The following LARGE1 variants were observed in gnomAD, a reference collection of about 807,000 sequenced individuals.
LARGE1 encodes the protein xylosyl- and glucuronyltransferase LARGE1.
In LARGE1, 43 loss-of-function variants were observed where a neutral mutation model predicts 87.6. The ratio of observed to expected loss-of-function variants is 0.49; its 90% CI spans 0.38 to 0.63. LARGE1 has a LOEUF of 0.63. Ranked by LOEUF, LARGE1 falls within the 30% of genes least tolerant of loss-of-function variation. LARGE1 has a pLI of 0.00. For synonymous variants in LARGE1, 434 were observed against 394.6 expected (o/e 1.10, Z -1.18); for missense variants, 802 against 1,000.2 (o/e 0.80, Z 2.67).
At chr22:33,589,644 G>A (rs929168048) in intron 5 of LARGE1, among the ~76,000 whole-genome samples, 4 of 151,928 alleles carry the variant, frequency 2.6e-5, no homozygotes, top group Admixed American at 6.6e-5. Context: ...TTCAATTACT[G>A]CATGAAATGC....
intron 9 of LARGE1, among the ~76,000 whole-genome samples, chr22:33,359,011 A>G (rs539754110): frequency 6.6e-6 from 1 of 152,038 alleles, no homozygotes; most frequent in African/African-American, 2.4e-5. Flanking sequence ...AAAAAAAAAA[A>G]AAATTCAAAT....
At chr22:33,488,726 A>C (rs998474797) in intron 6 of LARGE1, among the ~76,000 whole-genome samples, 1 of 152,206 alleles carries the variant, frequency 6.6e-6, no homozygotes, top group Non-Finnish European at 1.5e-5. Flanking sequence ...CTAGCACTTA[A>C]GGAAGAGTTT....
At position 33,360,988 on chromosome 22, in the gene LARGE1, G is replaced by A. The variant is rs545503235; in HGVS notation, c.1131+20931C>T. Reference sequence around the variant, plus strand: ...TCTCAGCACTTTGGGAGGCCGAGGCGGGTGGATCACGAGGTCGGGAGTTCA... The same window carrying A: ...TCTCAGCACTTTGGGAGGCCGAGGCAGGTGGATCACGAGGTCGGGAGTTCA... On this transcript the variant is annotated intron_variant, in intron 9 of 14. Coordinates refer to ENST00000397394, the MANE Select transcript of LARGE1 (RefSeq NM_133642.5). Among the ~76,000 whole-genome samples the A allele has an allele frequency of 1.4e-3, 204 of 149,444 alleles. 12 individuals are homozygous for A. Among genetic ancestry groups the A allele is most frequent in the African/African-American group, 4.8e-3 (195 of 40,642 alleles).
intron 6 of LARGE1, among the ~76,000 whole-genome samples, chr22:33,528,366 G>C (rs933703251): frequency 1.3e-5 from 2 of 152,098 alleles, no homozygotes; most frequent in African/African-American, 4.8e-5. Flanking sequence ...ATGCTGATCA[G>C]GGTGACCAAA....
intron 2 of LARGE1, among the ~76,000 whole-genome samples, chr22:33,757,978 G>T (rs889921855): frequency 2.0e-5 from 3 of 152,144 alleles, no homozygotes; most frequent in Non-Finnish European, 2.9e-5. Context: ...GGGTCACCTT[G>T]CGTAACTGCC....
At chr22:33,185,843 A>G (rs1923445334) in intron 11 of LARGE1, among the ~76,000 whole-genome samples, 1 of 152,204 alleles carries the variant, frequency 6.6e-6, no homozygotes, top group Non-Finnish European at 1.5e-5. Context: ...CAATGTTAAG[A>G]ACAAAAGAAG....
chr22:33,404,971 C>T (rs936094104), intron 7 of LARGE1, among the ~76,000 whole-genome samples: 5 of 152,260 alleles, frequency 3.3e-5, no homozygotes, highest in South Asian at 2.1e-4. Context: ...GCTCCCAGTT[C>T]GAAGGACTCT....
Position 33,610,155 on chromosome 22 carries a change from A to G in LARGE1, c.492-5597T>C, listed in dbSNP as rs187837532. On this transcript the variant is annotated intron_variant, in intron 4 of 14. Coordinates refer to ENST00000397394, the MANE Select transcript of LARGE1 (RefSeq NM_133642.5). Reference sequence around the variant, plus strand: ...AGCCTAACACAGAAAAATTGGTACCAGGAGTGAGATACTACTATAAACATA... The same window carrying G: ...AGCCTAACACAGAAAAATTGGTACCGGGAGTGAGATACTACTATAAACATA... Among the ~76,000 whole-genome samples the G allele has an allele frequency of 4.6e-3, 708 of 152,314 alleles. 8 individuals carry two copies. Among genetic ancestry groups the G allele is most frequent in the African/African-American group, 0.016 (654 of 41,568 alleles).
chr22:33,538,928 T>TA (rs2077112808), intron 6 of LARGE1, among the ~76,000 whole-genome samples: 1 of 152,238 alleles, frequency 6.6e-6, no homozygotes. Context: ...CTAGGGTTTG[T>TA]AACACATTTG....
At chr22:33,304,024 T>C (rs1449156826) in intron 12 of LARGE1, among the ~76,000 whole-genome samples, 1 of 152,292 alleles carries the variant, frequency 6.6e-6, no homozygotes, top group East Asian at 1.9e-4. Context: ...CATTTCCTTC[T>C]GCAAACTCAG....
At chr22:33,435,128 A>G (rs2067221140) in intron 6 of LARGE1, among the ~76,000 whole-genome samples, 1 of 152,144 alleles carries the variant, frequency 6.6e-6, no homozygotes. Flanking sequence ...CAGCCTCCTG[A>G]GTAGCTGGGA....
intron 11 of LARGE1, among the ~76,000 whole-genome samples, chr22:33,260,276 C>A (rs138489320): frequency 0.014 from 2,176 of 152,248 alleles, 31 homozygotes; most frequent in Middle Eastern, 0.037. Context: ...GGGAACGGTG[C>A]GTAACAAACT....
At chr22:33,089,464 C>CTTCT in the LARGE1 span, among the ~76,000 whole-genome samples, 1 of 142,352 alleles carries the variant, frequency 7.0e-6, no homozygotes, top group Admixed American at 7.3e-5. Context: ...CCTCCTCTTC[C>CTTCT]TCTTCTTCTT....
chr22:33,512,802 T>G (rs1157075993), intron 6 of LARGE1, among the ~76,000 whole-genome samples: 2 of 152,152 alleles, frequency 1.3e-5, no homozygotes, highest in Non-Finnish European at 2.9e-5. Flanking sequence ...AAACTCCATC[T>G]CAAAAATAAA....
At chr22:33,330,753 C>T (rs1937609742) in intron 10 of LARGE1, among the ~76,000 whole-genome samples, 1 of 152,184 alleles carries the variant, frequency 6.6e-6, no homozygotes, top group Non-Finnish European at 1.5e-5. Context: ...CTGTCTTGTC[C>T]TAGAGCAAGC....
intron 1 of LARGE1, among the ~76,000 whole-genome samples, chr22:33,807,143 C>CA (rs1425192521): frequency 6.6e-6 from 1 of 152,166 alleles, no homozygotes; most frequent in African/African-American, 2.4e-5. Context: ...TGTCTGTATG[C>CA]AAATCCCAGC....
intron 2 of LARGE1, among the ~76,000 whole-genome samples, chr22:33,747,314 T>C (rs1387360276): frequency 1.3e-5 from 2 of 152,024 alleles, no homozygotes; most frequent in Admixed American, 1.3e-4. Flanking sequence ...TCATCCACCA[T>C]GTTGCTTCTC....
intron 11 of LARGE1, among the ~76,000 whole-genome samples, chr22:33,234,584 C>T (rs557460968): frequency 7.9e-5 from 12 of 152,232 alleles, no homozygotes; most frequent in African/African-American, 2.9e-4. Context: ...TCTTGCTGCC[C>T]AGGCTGGAGT....
chr22:33,917,233 G>C (rs1480138520), intron 1 of LARGE1, among the ~76,000 whole-genome samples: 1 of 152,126 alleles, frequency 6.6e-6, no homozygotes, highest in African/African-American at 2.4e-5. Context: ...GCTCTTCTTG[G>C]CCTCTACCTT....
Sources: allele counts gnomAD v4.1 joint callset (sites outside exome capture counted in the v4.1 genomes callset), GRCh38; gene constraint gnomAD v4.1.1; transcripts MANE v1.5; gene names NCBI Gene and HGNC (gene_info 2026-07-23, HGNC 2026-07-21).